PPP2R5B: variants seen among roughly 807,000 people sequenced by gnomAD.
PPP2R5B encodes serine/threonine-protein phosphatase 2A 56 kDa regulatory subunit beta isoform.
In PPP2R5B, 19 loss-of-function variants were observed where a neutral mutation model predicts 59.9. The observed-to-expected ratio is 0.32, with a 90% CI of 0.22 to 0.47. The LOEUF is 0.47. Ranked by LOEUF, PPP2R5B falls within the 20% of genes least tolerant of loss-of-function variation. The pLI is 1.00. For synonymous variants in PPP2R5B, 286 were observed against 260.5 expected (o/e 1.10, Z -0.94); for missense variants, 441 against 640.2 (o/e 0.69, Z 3.36).
At chr11:64,923,775 C>G (rs550023389), upstream of PPP2R5B, among the ~76,000 whole-genome samples, 1 of 152,294 alleles carries the variant, frequency 6.6e-6, no homozygotes, top group African/African-American at 2.4e-5. Context: ...GCTGCTCATC[C>G]AGGCAACATT....
chr11:64,928,247 G>T (rs1262587970), intron 5 of PPP2R5B, 48 bp from the exon 6 acceptor site: 1 of 1,612,142 alleles, frequency 6.2e-7, no homozygotes, highest in Non-Finnish European at 8.5e-7. Flanking sequence ...AACCTGGGGT[G>T]GACCTTTCCC....
rs1945241659 is a variant in PPP2R5B, at chr11:64,932,828, T to G, written c.1180T>G (p.Cys394Gly). The G allele has an allele frequency of 1.2e-6, 2 of 1,614,048 alleles. No homozygotes were observed. The highest frequency in any genetic ancestry group is 2.7e-5 in the African/African-American group (2 of 74,918). Reference protein sequence around the residue: ...EYILSLIEDNCHTVLPAVFGT... With the variant: ...EYILSLIEDNGHTVLPAVFGT... ...TATCCTAAGCCTCATTGAGGACAAC[T>G]GCCACACTGTGCTGCCTGCTGTGTT... Residue 394 changes from cysteine to glycine, a missense_variant, in exon 12 of 14, where the codon TGC (cysteine) becomes GGC (glycine). By Grantham distance (159) the Cys-to-Gly change is radical (BLOSUM62 -3). Coordinates refer to ENST00000164133, the MANE Select transcript of PPP2R5B (RefSeq NM_006244.4).
Position 64,931,146 on chromosome 11 carries a change from G to A in PPP2R5B, c.892-290G>A, listed in dbSNP as rs112677249. Among the ~76,000 whole-genome samples the A allele has an allele frequency of 0.012, 1,859 of 152,190 alleles. 40 individuals are homozygous for A. Among genetic ancestry groups the A allele is most frequent in the African/African-American group, 0.043 (1,766 of 41,494 alleles). ...TTCTGCTGCCTCGGCCTCCCAAAGT[G>A]CTTGGATTACAGGCGTGAGCCACCA... On this transcript the variant is annotated intron_variant, in intron 8 of 13. Coordinates refer to ENST00000164133, the MANE Select transcript of PPP2R5B (RefSeq NM_006244.4). The surrounding 1 kb of genome is among the most constrained non-coding windows in gnomAD (Gnocchi z 5.0).
At chr11:64,924,654 CG>C (rs1267642350), upstream of PPP2R5B, 2 of 152,268 alleles carry the variant, frequency 1.3e-5, no homozygotes, top group African/African-American at 2.4e-5. Context: ...TTTCAGCCCG[CG>C]GGGAGGTGCG....
intron 6 of PPP2R5B, 115 bp from the exon 7 acceptor site, chr11:64,930,207 T>G: frequency 2.6e-6 from 3 of 1,157,768 alleles, no homozygotes; most frequent in Non-Finnish European, 3.9e-6. Flanking sequence ...AGCCTCTGGG[T>G]TGGGGGAGAG....
intron 6 of PPP2R5B, among the ~76,000 whole-genome samples, chr11:64,929,356 C>T (rs965525822): frequency 1.3e-5 from 2 of 152,192 alleles, no homozygotes; most frequent in Non-Finnish European, 2.9e-5. Context: ...GTATGGCCTA[C>T]ATTTGAGTTT....
In PPP2R5B at chr11:64,931,429, C is replaced by T. The variant is rs1259221999; in HGVS notation, c.892-7C>T. The T allele has an allele frequency of 1.2e-6, 2 of 1,614,040 alleles. No individual in the cohort carries two copies. Among genetic ancestry groups the T allele is most frequent in the Non-Finnish European group, 1.7e-6 (2 of 1,179,942 alleles). On this transcript the variant is annotated splice_region_variant and splice_polypyrimidine_tract_variant and intron_variant, in intron 8 of 13. Transcript: ENST00000164133. The surrounding 1 kb of genome is among the most constrained non-coding windows in gnomAD (Gnocchi z 5.0). ...TCTTCCTTCCCTCCACCTGTCACCC[C>T]CTGCAGCTGGCATACTGTGTGGTGC...
intron 6 of PPP2R5B, 145 bp from the exon 7 acceptor site, chr11:64,930,177 G>T: frequency 1.1e-6 from 1 of 877,124 alleles, no homozygotes; most frequent in South Asian, 1.5e-5. Flanking sequence ...GCCTGGTTTG[G>T]GATGTTGGGA....
chr11:64,922,176 C>CA (rs1367401643), upstream of PPP2R5B, among the ~76,000 whole-genome samples: 5 of 138,348 alleles, frequency 3.6e-5, no homozygotes, highest in African/African-American at 1.1e-4. Flanking sequence ...CGCGCCACTG[C>CA]AAAAAAAAAA....
chr11:64,925,489 A>T lies in PPP2R5B; in HGVS notation c.-246A>T, dbSNP rs1036454743. ...TCAAAAGAGCCAGGGTGGGAACCCT[A>T]ACTGGACTCTTCGGGACCCCCAGGA... On this transcript the variant is annotated 5_prime_UTR_variant, in exon 2 of 14. Coordinates refer to ENST00000164133, the MANE Select transcript of PPP2R5B (RefSeq NM_006244.4). The surrounding 1 kb of genome is among the most constrained non-coding windows in gnomAD (Gnocchi z 4.6). 33 of 451,200 alleles carry T rather than the reference A, an allele frequency of 7.3e-5. No individual in the cohort carries two copies. The highest frequency in any genetic ancestry group is 1.3e-4 in the Non-Finnish European group (32 of 251,348). 27.9% of individuals were successfully genotyped at this position (451,200 alleles called of 1,614,324 possible).
chr11:64,925,896 C>T lies in PPP2R5B; in HGVS notation c.162C>T (p.Ser54=). The T allele has an allele frequency of 6.2e-7, 1 of 1,612,078 alleles. No individual in the cohort carries two copies. The highest frequency in any genetic ancestry group is 8.5e-7 in the Non-Finnish European group (1 of 1,179,898). ...SHSSSQFRYQ[S]NQQELTPLPL... is the part of the protein sequence containing the mutation. ...GCTCCTCTCAGTTCCGCTATCAGAG[C>T]AACCAGCAAGAGCTCACACCGCTGC... Residue 54 remains serine, a synonymous_variant, in exon 2 of 14, where the codon AGC becomes AGT. Transcript: ENST00000164133. The surrounding 1 kb of genome is among the most constrained non-coding windows in gnomAD (Gnocchi z 4.6).
At chr11:64,926,284 T>C (rs1945163312) in intron 2 of PPP2R5B, among the ~76,000 whole-genome samples, 1 of 152,178 alleles carries the variant, frequency 6.6e-6, no homozygotes, top group African/African-American at 2.4e-5. Context: ...GATCACCACA[T>C]AGGTCCCTTC....
At chr11:64,919,078 T>C (rs623005) in intron 1 of PPP2R5B, among the ~76,000 whole-genome samples, 151,737 of 152,296 alleles carry the variant, frequency 1, 75,596 homozygotes, top group East Asian at 1. Context: ...CGGTGGCTCA[T>C]GCCTGTAATC....
intron 6 of PPP2R5B, among the ~76,000 whole-genome samples, chr11:64,929,577 T>C (rs1223494907): frequency 6.6e-6 from 1 of 152,052 alleles, no homozygotes; most frequent in East Asian, 1.9e-4. Context: ...AATACAAAAA[T>C]TAGCTGAGTG....
chr11:64,925,614 G>GGGC lies in PPP2R5B; in HGVS notation c.-121_-120insGGC. The GGGC allele has an allele frequency of 2.2e-6, 1 of 450,338 alleles. No homozygotes were observed. The highest frequency in any genetic ancestry group is 4.0e-6 in the Non-Finnish European group (1 of 252,210). 27.9% of individuals were successfully genotyped at this position (450,338 alleles called of 1,614,324 possible). On this transcript the variant is annotated 5_prime_UTR_variant, in exon 2 of 14. Transcript: ENST00000164133. This position sits in a 1 kb window ranked among gnomAD's most constrained non-coding sequence, Gnocchi z 4.6. ...GGGGGGGGCCCAGGACTGTGGTTGT[G>GGGC]CCCCCCCCCCAAAGGCCGGACAGGA...
In PPP2R5B at chr11:64,933,879, G is replaced by T; in HGVS notation, c.*35G>T. The stretch of plus-strand genomic sequence containing the variant: ...CAGAAGGGGAAAAGCTAAACCCAGA[G>T]CTGTCAGTCCCTCTATCCCTTCTCC... On this transcript the variant is annotated 3_prime_UTR_variant, in exon 14 of 14. Coordinates refer to ENST00000164133, the MANE Select transcript of PPP2R5B (RefSeq NM_006244.4). 3 of 1,485,704 alleles carry T rather than the reference G, an allele frequency of 2.0e-6. No homozygotes were observed. Among genetic ancestry groups the T allele is most frequent in the Non-Finnish European group, 2.7e-6 (3 of 1,115,490 alleles). The allele number at this position is 1,485,704 out of a possible 1,614,324, so 92.0% of individuals were successfully genotyped here.
Position 64,930,553 on chromosome 11 carries a change from G to C in PPP2R5B, c.855G>C (p.Leu285=). 6.2e-7 allele frequency: 1 copy of C among 1,614,184 alleles called. No homozygotes were observed. The highest frequency in any genetic ancestry group is 8.5e-7 in the Non-Finnish European group (1 of 1,180,030). ...TCCTGGTTCGCGTCCTGATCCCCCT[G>C]CACTCTGTCAAGTCGCTGTCTGTCT... ...KQFLVRVLIP[L]HSVKSLSVFH... The change falls in exon 8 of 14, where the codon CTG becomes CTC. Residue 285 remains leucine (L), a synonymous_variant. Coordinates refer to ENST00000164133, the MANE Select transcript of PPP2R5B (RefSeq NM_006244.4).
At chr11:64,921,975 G>T (rs1193708855), upstream of PPP2R5B, among the ~76,000 whole-genome samples, 1 of 152,072 alleles carries the variant, frequency 6.6e-6, no homozygotes, top group Admixed American at 6.6e-5. Context: ...AGCACTTTGG[G>T]AGGCCAAGGC....
At chr11:64,919,670 TG>T (rs1945093417) in intron 1 of PPP2R5B, among the ~76,000 whole-genome samples, 1 of 151,958 alleles carries the variant, frequency 6.6e-6, no homozygotes, top group South Asian at 2.1e-4. Context: ...AGTGAAGCTA[TG>T]AATGCACCAC....
Sources: allele counts gnomAD v4.1 joint callset (sites outside exome capture counted in the v4.1 genomes callset), GRCh38; gene constraint gnomAD v4.1.1; non-coding constraint Gnocchi (gnomAD v3.1); transcripts MANE v1.5; gene names NCBI Gene and HGNC (gene_info 2026-07-23, HGNC 2026-07-21).